The following BMAL1 variants were observed in gnomAD, a reference collection of about 807,000 sequenced individuals.
The protein encoded by BMAL1 is basic helix-loop-helix ARNT-like protein 1.
At chr11:13,345,928 ACCAAC>A in the BMAL1 span, among the ~76,000 whole-genome samples, 4 of 152,072 alleles carry the variant, frequency 2.6e-5, no homozygotes, top group Admixed American at 2.6e-4. Context: ...TGACTAGGGG[ACCAAC>A]CATCCCGGTT....
At chr11:13,358,738 G>A in the BMAL1 span, 9 of 903,246 alleles carry the variant, frequency 1.0e-5, no homozygotes, top group Admixed American at 3.4e-5. Flanking sequence ...AGCAACAGCC[G>A]TGATGCCAAA....
the BMAL1 span, among the ~76,000 whole-genome samples, chr11:13,331,164 A>G: frequency 1.3e-5 from 2 of 152,248 alleles, no homozygotes; most frequent in Non-Finnish European, 2.9e-5. Context: ...GTCTTAGAAG[A>G]CACAGGCACG....
the BMAL1 span, among the ~76,000 whole-genome samples, chr11:13,297,739 T>C: frequency 1.3e-5 from 2 of 152,224 alleles, no homozygotes; most frequent in Non-Finnish European, 2.9e-5. Context: ...CTCTTCCCCC[T>C]GCTTTCCATC....
the BMAL1 span, among the ~76,000 whole-genome samples, chr11:13,336,028 T>G: frequency 1.3e-5 from 2 of 152,242 alleles, no homozygotes; most frequent in Non-Finnish European, 2.9e-5. Context: ...CGTGCATGCA[T>G]GCACATGCTT....
At chr11:13,313,440 C>T in the BMAL1 span, among the ~76,000 whole-genome samples, 3 of 152,288 alleles carry the variant, frequency 2.0e-5, no homozygotes, top group African/African-American at 2.4e-5. Context: ...CCCGAGGGCA[C>T]CTCAACCTGT....
At chr11:13,323,950 G>A in the BMAL1 span, among the ~76,000 whole-genome samples, 2 of 152,162 alleles carry the variant, frequency 1.3e-5, no homozygotes, top group Non-Finnish European at 2.9e-5. Flanking sequence ...CATAATAATT[G>A]TACATATTTA....
At chr11:13,334,026 A>C in the BMAL1 span, among the ~76,000 whole-genome samples, 1 of 152,184 alleles carries the variant, frequency 6.6e-6, no homozygotes, top group African/African-American at 2.4e-5. Flanking sequence ...AGTGCTTGCC[A>C]TGGGCCAGGC....
chr11:13,278,881 A>C, the BMAL1 span, among the ~76,000 whole-genome samples: 1 of 152,236 alleles, frequency 6.6e-6, no homozygotes, highest in South Asian at 2.1e-4. Flanking sequence ...GCTTGGAAGA[A>C]GACGAGGAAG....
chr11:13,296,981 G>T, the BMAL1 span, among the ~76,000 whole-genome samples: 1 of 152,178 alleles, frequency 6.6e-6, no homozygotes, highest in East Asian at 1.9e-4. Context: ...TGGCCTCAGG[G>T]TGCCAGGGCT....
the BMAL1 span, among the ~76,000 whole-genome samples, chr11:13,279,669 A>G: frequency 6.6e-6 from 1 of 152,186 alleles, no homozygotes; most frequent in Non-Finnish European, 1.5e-5. Context: ...CTTTCAGTCC[A>G]TGTTTTGTTA....
chr11:13,343,021 G>A, the BMAL1 span, among the ~76,000 whole-genome samples: 2 of 152,190 alleles, frequency 1.3e-5, no homozygotes, highest in African/African-American at 4.8e-5. Context: ...ACCATTCTGA[G>A]CACTTTATAT....
chr11:13,323,661 G>C, the BMAL1 span, among the ~76,000 whole-genome samples: 103 of 152,172 alleles, frequency 6.8e-4, 4 homozygotes, highest in Non-Finnish European at 5.9e-4. Context: ...TTGTCATCCA[G>C]GCTGGAGTGC....
chr11:13,295,746 T>G, the BMAL1 span, among the ~76,000 whole-genome samples: 2 of 152,224 alleles, frequency 1.3e-5, no homozygotes, highest in Non-Finnish European at 2.9e-5. Context: ...GATTTATGCA[T>G]GCTGCAGCTT....
the BMAL1 span, chr11:13,366,781 A>G: frequency 3.1e-6 from 5 of 1,613,168 alleles, no homozygotes; most frequent in Non-Finnish European, 4.2e-6. Flanking sequence ...TAGATGCAAA[A>G]AGTGAGTACC....
At chr11:13,299,956 G>A in the BMAL1 span, among the ~76,000 whole-genome samples, 7 of 152,178 alleles carry the variant, frequency 4.6e-5, no homozygotes, top group African/African-American at 1.7e-4. Flanking sequence ...AGTGTCCGAG[G>A]GGCTGAAAGT....
the BMAL1 span, among the ~76,000 whole-genome samples, chr11:13,333,262 C>T: frequency 5.3e-5 from 8 of 152,120 alleles, no homozygotes; most frequent in South Asian, 2.1e-4. Flanking sequence ...CCACTGCGCC[C>T]GGCCAATACT....
the BMAL1 span, chr11:13,381,119 C>T: frequency 1.9e-6 from 3 of 1,589,808 alleles, no homozygotes; most frequent in African/African-American, 2.7e-5. Flanking sequence ...ACATACACTC[C>T]ACTGAAAAAA....
At chr11:13,356,982 A>G in the BMAL1 span, 3 of 1,608,648 alleles carry the variant, frequency 1.9e-6, no homozygotes, top group Non-Finnish European at 1.7e-6. Flanking sequence ...GGCAGAAGAA[A>G]ACAGCAATGT....
the BMAL1 span, among the ~76,000 whole-genome samples, chr11:13,364,003 C>T: frequency 5.3e-5 from 8 of 152,178 alleles, no homozygotes; most frequent in Non-Finnish European, 1.2e-4. Context: ...CCTGTGTTGT[C>T]GGTTCAGGCC....
Sources: gnomAD v4.1 joint callset for allele counts (sites outside exome capture counted in the v4.1 genomes callset) on GRCh38, gnomAD v4.1.1 for gene constraint, MANE v1.5 for transcripts, NCBI Gene and HGNC (gene_info 2026-07-23, HGNC 2026-07-21) for gene names.